LIPA: variants seen among roughly 807,000 people sequenced by gnomAD.
LIPA encodes the protein lysosomal acid lipase/cholesteryl ester hydrolase.
A neutral mutation model predicts 40.6 loss-of-function variants in LIPA; 26 were observed. That is an observed-to-expected ratio of 0.64 (90% CI 0.47 to 0.89). The LOEUF is 0.89. Ranked by LOEUF, LIPA falls within the 40% of genes least tolerant of loss-of-function variation. LIPA has a pLI of 0.00. For missense variants in LIPA, 455 were observed against 479.6 expected, an observed-to-expected ratio of 0.95 and a Z score of 0.48; for synonymous variants, 188 against 168.4, an observed-to-expected ratio of 1.12 and a Z score of -0.90.
At chr10:89,287,835 G>T (rs377215077) in intron 1 of LIPA, among the ~76,000 whole-genome samples, 1 of 152,074 alleles carries the variant, frequency 6.6e-6, no homozygotes, top group African/African-American at 2.4e-5. Context: ...TTCAGGATCC[G>T]CACCTTATCA....
At chr10:89,242,999 T>C (rs1842980716) in intron 3 of LIPA, among the ~76,000 whole-genome samples, 1 of 152,112 alleles carries the variant, frequency 6.6e-6, no homozygotes, top group Admixed American at 6.5e-5. Context: ...AGAGGACCCG[T>C]GGTCAAGAAT....
chr10:89,402,626 C>T, intron 2 of LIPA: 1 of 1,614,210 alleles, frequency 6.2e-7, no homozygotes, highest in South Asian at 1.1e-5. Flanking sequence ...CCCAGACTTA[C>T]CTGGACAAGG....
chr10:89,215,189 T>C (rs1430635638), intron 9 of LIPA, 128 bp from the exon 10 acceptor site: 6 of 735,414 alleles, frequency 8.2e-6, no homozygotes, highest in Non-Finnish European at 1.4e-5. Flanking sequence ...TTTTAAAATC[T>C]CTTTGAGTAT....
At chr10:89,287,577 C>A (rs1298615579) in intron 1 of LIPA, among the ~76,000 whole-genome samples, 2 of 152,084 alleles carry the variant, frequency 1.3e-5, no homozygotes, top group Non-Finnish European at 2.9e-5. Context: ...ATCCCCCCAC[C>A]TTAACCCACA....
intron 1 of LIPA, among the ~76,000 whole-genome samples, chr10:89,341,792 T>G (rs1843873012): frequency 6.6e-6 from 1 of 152,180 alleles, no homozygotes; most frequent in African/African-American, 2.4e-5. Flanking sequence ...ATATGCACCT[T>G]GGACCATTTC....
chr10:89,274,572 AT>A (rs549147426), intron 1 of LIPA, among the ~76,000 whole-genome samples: 67 of 152,278 alleles, frequency 4.4e-4, no homozygotes, highest in Non-Finnish European at 7.9e-4. Flanking sequence ...AATATAAAGG[AT>A]TTTTTTGGAA....
chr10:89,384,713 C>A lies in LIPA; in HGVS notation c.61+28078G>T, dbSNP rs756515884. ...TGCTATGAGAGGGCTCTGAGGCTGG[C>A]TGCTGACCTGAACCCTATATTTTAA... On this transcript the variant is annotated intron_variant, in intron 2 of 8. Coordinates refer to the LIPA transcript ENST00000371837. 3.7e-6 allele frequency: 6 copies of A among 1,613,100 alleles called. No individual in the cohort carries two copies. Among genetic ancestry groups the A allele is most frequent in the Non-Finnish European group, 5.1e-6 (6 of 1,179,510 alleles).
upstream of LIPA, chr10:89,414,649 C>A: frequency 5.3e-6 from 4 of 759,210 alleles, no homozygotes; most frequent in Non-Finnish European, 7.8e-6. Context: ...AACAAAGACA[C>A]GCCGCGCGGC....
intron 1 of LIPA, among the ~76,000 whole-genome samples, chr10:89,304,840 T>A (rs1843468278): frequency 6.6e-6 from 1 of 152,076 alleles, no homozygotes; most frequent in Admixed American, 6.6e-5. Flanking sequence ...CTAAAGGGAA[T>A]GGAAAATCTT....
chr10:89,329,344 T>C (rs1049384636), intron 1 of LIPA, among the ~76,000 whole-genome samples: 1 of 152,212 alleles, frequency 6.6e-6, no homozygotes, highest in African/African-American at 2.4e-5. Flanking sequence ...GTGATGTTAA[T>C]TGTGTCTGTG....
At chr10:89,311,453 C>G (rs1277314068) in intron 1 of LIPA, among the ~76,000 whole-genome samples, 1 of 146,796 alleles carries the variant, frequency 6.8e-6, no homozygotes, top group African/African-American at 2.5e-5. Context: ...TCTCATGAAC[C>G]TGGGAGGTGG....
intron 2 of LIPA, among the ~76,000 whole-genome samples, chr10:89,411,714 G>C (rs1841470507): frequency 6.6e-6 from 1 of 152,244 alleles, no homozygotes; most frequent in Admixed American, 6.5e-5. Context: ...CCTCACTGCT[G>C]AGAAAGGAGG....
intron 1 of LIPA, among the ~76,000 whole-genome samples, chr10:89,267,573 CTG>C (rs2133490488): frequency 1.5e-5 from 1 of 68,354 alleles, no homozygotes; most frequent in African/African-American, 6.3e-5. Context: ...ACTCTGGGGA[CTG>C]TGGTGGGGTG....
chr10:89,255,535 A>G (rs1843176598), upstream of LIPA, among the ~76,000 whole-genome samples: 1 of 152,256 alleles, frequency 6.6e-6, no homozygotes, highest in Non-Finnish European at 1.5e-5. Flanking sequence ...CTACCACAAT[A>G]GTCCAAGTGA....
chr10:89,414,473 C>T (rs1480690097), exon 1 of LIPA: 1 of 342,236 alleles, frequency 2.9e-6, no homozygotes, highest in East Asian at 5.0e-5. Flanking sequence ...CTCCGAAAGA[C>T]CCTGGACTCC....
At chr10:89,355,043 C>T (rs955970138) in intron 2 of LIPA, among the ~76,000 whole-genome samples, 3 of 152,076 alleles carry the variant, frequency 2.0e-5, no homozygotes, top group African/African-American at 7.2e-5. Flanking sequence ...GGGTATCAGA[C>T]ATGCAAAAAA....
Position 89,328,032 on chromosome 10 carries a change from G to A in LIPA, c.-2+14579C>T, listed in dbSNP as rs1283460933. On this transcript the variant is annotated intron_variant, in intron 1 of 5. Transcript: ENST00000282673. ...AGACTTCTGAAGAACAAATCAGCCT[G>A]GTCACCAGCTTTTCGGAACAGCAGA... 8 of 1,612,744 alleles carry A rather than the reference G, an allele frequency of 5.0e-6. 1 individual carries two copies. The South Asian group carries it at 7.7e-5, about 15-fold the overall frequency.
chr10:89,254,210 C>A (rs895013146), upstream of LIPA, among the ~76,000 whole-genome samples: 2 of 152,248 alleles, frequency 1.3e-5, no homozygotes, highest in African/African-American at 4.8e-5. Flanking sequence ...CCCAGGCTCT[C>A]CTTGAGGGCC....
intron 8 of LIPA, among the ~76,000 whole-genome samples, chr10:89,217,060 T>C (rs1312422477): frequency 6.6e-6 from 1 of 152,200 alleles, no homozygotes; most frequent in East Asian, 1.9e-4. Flanking sequence ...TTCAAAATAG[T>C]GCAAATCCAT....
Sources: gnomAD v4.1 joint callset for allele counts (sites outside exome capture counted in the v4.1 genomes callset) on GRCh38, gnomAD v4.1.1 for gene constraint, MANE v1.5 for transcripts, NCBI Gene and HGNC (gene_info 2026-07-23, HGNC 2026-07-21) for gene names.